The following NF2 variants were observed in gnomAD, a reference collection of about 807,000 sequenced individuals.
NF2 encodes NF2, moesin-ezrin-radixin like (MERLIN) tumor suppressor, also known as merlin.
Under a neutral mutation model 83.7 loss-of-function variants are expected in NF2, and 8 were observed. The ratio of observed to expected loss-of-function variants is 0.10; its 90% CI spans 0.06 to 0.17. NF2 has a LOEUF of 0.17. NF2 is among the 10% of genes least tolerant of loss of function. The pLI, the probability that NF2 is intolerant of heterozygous loss-of-function variation, is 1.00. For synonymous variants in NF2, 266 were observed against 269.6 expected (o/e 0.99, Z 0.13); for missense variants, 533 against 744.4 (o/e 0.72, Z 3.31).
rs184976042 is a variant in NF2, at chr22:29,685,521, C to T, written c.1737+3920C>T. Among the ~76,000 whole-genome samples the T allele has an allele frequency of 5.6e-4, 85 of 152,238 alleles. No individual in the cohort carries two copies. The East Asian group carries it at 0.012, about 22-fold the overall frequency. Reference sequence around the variant, plus strand: ...CTCCTGGGCTCAAGCGATCCTCCCACGTCAGCCTCCCAAGTAGCTGGGACT... The same window carrying T: ...CTCCTGGGCTCAAGCGATCCTCCCATGTCAGCCTCCCAAGTAGCTGGGACT... On this transcript the variant is annotated intron_variant, in intron 15 of 15. Transcript: ENST00000338641.
intron 4 of NF2, among the ~76,000 whole-genome samples, chr22:29,650,774 T>A (rs1214275311): frequency 6.6e-6 from 1 of 152,148 alleles, no homozygotes; most frequent in African/African-American, 2.4e-5. Context: ...AGCTAATTTT[T>A]GTATTTTTAG....
chr22:29,665,211 TAAAAC>T, intron 9 of NF2, 147 bp downstream of exon 9: 1 of 708,564 alleles, frequency 1.4e-6, no homozygotes, highest in Middle Eastern at 3.9e-4. Context: ...CTTAAAGAGT[TAAAAC>T]TAAATTATAT....
intron 1 of NF2, among the ~76,000 whole-genome samples, chr22:29,606,129 T>G (rs1258191965): frequency 3.9e-5 from 6 of 152,188 alleles, no homozygotes; most frequent in African/African-American, 1.4e-4. Flanking sequence ...TAATTTTGTA[T>G]TTTTAGTAGA....
intron 7 of NF2, 81 bp from the exon 8 acceptor site, chr22:29,661,124 T>G (rs1192591466): frequency 1.9e-6 from 3 of 1,591,800 alleles, no homozygotes; most frequent in East Asian, 2.2e-5. Flanking sequence ...TGTGACAGTG[T>G]GTGCCAGATT....
At chr22:29,644,712 A>G in intron 4 of NF2, among the ~76,000 whole-genome samples, 1 of 152,222 alleles carries the variant, frequency 6.6e-6, no homozygotes, top group African/African-American at 2.4e-5. Context: ...CGCGGTTAGG[A>G]GCTGGAGACC....
Position 29,687,625 on chromosome 22 carries a change from A to T in NF2, c.1737+6024A>T, listed in dbSNP as rs9625851. On this transcript the variant is annotated intron_variant, in intron 15 of 15. Transcript: ENST00000338641. ...GTTTAATAGGTAGTTAATATAGCCA[A>T]CCCTCCTTATGACCCCAGTGGGCTG... is the stretch of plus-strand genomic sequence containing the variant. Among the ~76,000 whole-genome samples the T allele has an allele frequency of 3.3e-3, 500 of 152,234 alleles. 6 individuals are homozygous for T. Among genetic ancestry groups the T allele is most frequent in the African/African-American group, 0.012 (482 of 41,538 alleles).
chr22:29,654,604 A>T, intron 4 of NF2, 53 bp from the exon 5 acceptor site: 1 of 1,468,764 alleles, frequency 6.8e-7, no homozygotes, highest in South Asian at 1.1e-5. Flanking sequence ...CTGTTCAGAA[A>T]TGGCAGTTAT....
chr22:29,659,230 A>G (rs569673721), intron 7 of NF2, among the ~76,000 whole-genome samples: 2 of 152,350 alleles, frequency 1.3e-5, no homozygotes, highest in African/African-American at 4.8e-5. Context: ...GGTCAAACTA[A>G]TGTAACACAT....
At chr22:29,611,228 T>C (rs984690983) in intron 1 of NF2, among the ~76,000 whole-genome samples, 1 of 152,138 alleles carries the variant, frequency 6.6e-6, no homozygotes, top group African/African-American at 2.4e-5. Context: ...AACTTCATAA[T>C]AGTGAGACTG....
chr22:29,604,854 ATCTCTGTTGGAGTTAT>A (rs1399615848), intron 1 of NF2, among the ~76,000 whole-genome samples: 1 of 152,216 alleles, frequency 6.6e-6, no homozygotes, highest in African/African-American at 2.4e-5. Flanking sequence ...AGACTAGAGA[ATCTCTGTTGGAGTTAT>A]TCAACTCTTC....
intron 10 of NF2, 27 bp from the exon 11 acceptor site, chr22:29,671,799 A>G (rs2066797496): frequency 1.2e-6 from 2 of 1,613,632 alleles, no homozygotes; most frequent in African/African-American, 1.3e-5. Context: ...CTGTGATTCA[A>G]TGACTGTTTT....
intron 1 of NF2, among the ~76,000 whole-genome samples, chr22:29,607,404 G>C (rs528822951): frequency 1.3e-5 from 2 of 152,268 alleles, no homozygotes; most frequent in African/African-American, 4.8e-5. Flanking sequence ...TGTCATCCCA[G>C]GGTGACTGTG....
rs543121205 is a variant in NF2 at position 29,679,875 on chromosome 22, A to G, written c.1574+1552A>G. 1.2e-4 allele frequency among the ~76,000 whole-genome samples: 18 copies of G among 151,852 alleles called. No homozygotes were observed. The South Asian group carries it at 2.7e-3, about 23-fold the overall frequency. ...AGAGACACCCTGTCTCAAAAAAAAAAAAAAGAAAAGAAAGAAATTGATTTC... is the reference window on the plus strand; with the variant it reads ...AGAGACACCCTGTCTCAAAAAAAAAGAAAAGAAAAGAAAGAAATTGATTTC... On this transcript the variant is annotated intron_variant, in intron 14 of 15. Transcript: ENST00000338641.
Position 29,695,270 on chromosome 22 carries a change from G to GC in NF2, c.*471dup. On this transcript the variant is annotated 3_prime_UTR_variant, in exon 16 of 16. Coordinates refer to ENST00000338641, the MANE Select transcript of NF2 (RefSeq NM_000268.4). The surrounding 1 kb of genome is among the most constrained non-coding windows in gnomAD (Gnocchi z 5.4). ...TGAGGACCTGGCATGCAGCGAAGCA[G>GC]CCCAGCCCGGCGGATCCCAGGCCAG... The GC allele has an allele frequency of 3.3e-6, 1 of 306,542 alleles. No individual in the cohort carries two copies. The highest frequency in any genetic ancestry group is 6.2e-6 in the Non-Finnish European group (1 of 161,230). The allele number at this position is 306,542 out of a possible 1,614,324, so 19.0% of individuals were successfully genotyped here.
chr22:29,612,742 G>T (rs2064984711), intron 1 of NF2, among the ~76,000 whole-genome samples: 1 of 146,934 alleles, frequency 6.8e-6, no homozygotes, highest in South Asian at 2.2e-4. Context: ...GCAGTATTTT[G>T]GAAATTGATC....
chr22:29,617,317 A>C (rs191521990), intron 1 of NF2, among the ~76,000 whole-genome samples: 2 of 152,262 alleles, frequency 1.3e-5, no homozygotes, highest in Middle Eastern at 3.4e-3. Context: ...AGACCCAAAG[A>C]TGTTGGACAG....
intron 15 of NF2, among the ~76,000 whole-genome samples, chr22:29,686,507 C>T (rs1406625899): frequency 6.6e-6 from 1 of 152,144 alleles, no homozygotes; most frequent in African/African-American, 2.4e-5. Context: ...GGTGTGGTGG[C>T]GCATGCCTGT....
At chr22:29,627,023 A>G (rs903909862) in intron 1 of NF2, among the ~76,000 whole-genome samples, 1 of 152,222 alleles carries the variant, frequency 6.6e-6, no homozygotes. Flanking sequence ...CATGATTATT[A>G]GGAGTAAGGA....
intron 4 of NF2, among the ~76,000 whole-genome samples, chr22:29,650,637 GCTCCC>G (rs2066122623): frequency 7.8e-6 from 1 of 128,128 alleles, no homozygotes; most frequent in South Asian, 2.4e-4. Context: ...TCTCCCCTTT[GCTCCC>G]CTCCCCTCCC....
Sources: gnomAD v4.1 joint callset for allele counts (sites outside exome capture counted in the v4.1 genomes callset) on GRCh38, gnomAD v4.1.1 for gene constraint, Gnocchi (gnomAD v3.1) non-coding constraint, MANE v1.5 for transcripts, NCBI Gene and HGNC (gene_info 2026-07-23, HGNC 2026-07-21) for gene names.